Variants in CCDC125 observed in about 807,000 individuals in gnomAD.
CCDC125 encodes coiled-coil domain-containing protein 125.
Under a neutral mutation model 57.4 loss-of-function variants are expected in CCDC125, and 43 were observed. The observed-to-expected ratio is 0.75, with a 90% CI of 0.59 to 0.97. The LOEUF is 0.97. Ranked by LOEUF, CCDC125 falls within the 50% of genes least tolerant of loss-of-function variation. The probability of loss-of-function intolerance (pLI) is 0.00; values close to 1 mark genes in which losing one functional copy is unlikely to be tolerated. For missense variants in CCDC125, 563 were observed against 595.7 expected (o/e 0.95, Z 0.57); for synonymous variants, 187 against 195.2 (o/e 0.96, Z 0.35).
In CCDC125 at chr5:69,306,817, C is replaced by A; in HGVS notation, c.617G>T (p.Arg206Met). 6.8e-7 allele frequency: 1 copy of A among 1,479,940 alleles called. No individual in the cohort carries two copies. The highest frequency in any genetic ancestry group is 9.0e-7 in the Non-Finnish European group (1 of 1,117,194). The allele number at this position is 1,479,940 out of a possible 1,614,324, so 91.7% of individuals were successfully genotyped here. A position where few individuals can be genotyped will look rare whatever the true frequency, so the allele number is the denominator to read the frequency against. ...IEESWIQKYD[R>M]LNCENAVLKE... Reference sequence around the variant, plus strand: ...AAAAATAATGGAGTAATATACAAACCTGTCATATTTTTGGATCCAAGATTC... The same window carrying A: ...AAAAATAATGGAGTAATATACAAACATGTCATATTTTTGGATCCAAGATTC... Residue 206 changes from arginine (R) to methionine (M), a missense_variant and splice_region_variant, in exon 6 of 12, where the codon AGG (arginine) becomes ATG (methionine). Physicochemically the swap from Arg to Met is moderately conservative, Grantham distance 91. Coordinates refer to ENST00000396496, the MANE Select transcript of CCDC125 (RefSeq NM_176816.5).
chr5:69,299,365 TC>T (rs1389309412), intron 8 of CCDC125, among the ~76,000 whole-genome samples: 1 of 152,166 alleles, frequency 6.6e-6, no homozygotes, highest in Non-Finnish European at 1.5e-5. Context: ...CGCCTCGGCT[TC>T]CCAAAGCGCT....
chr5:69,290,960 T>C (rs939609354), intron 10 of CCDC125, among the ~76,000 whole-genome samples: 1 of 152,158 alleles, frequency 6.6e-6, no homozygotes, highest in Non-Finnish European at 1.5e-5. Flanking sequence ...TTTTCTATGA[T>C]GGTGTTCCCC....
the CCDC125 span, among the ~76,000 whole-genome samples, chr5:69,273,260 T>G: frequency 6.6e-6 from 1 of 152,100 alleles, no homozygotes; most frequent in Non-Finnish European, 1.5e-5. Context: ...GAGTTTACAC[T>G]TATTACACTT....
At chr5:69,299,870 C>G (rs1756085982) in intron 8 of CCDC125, 142 bp downstream of exon 8, 8 of 682,760 alleles carry the variant, frequency 1.2e-5, no homozygotes, top group Non-Finnish European at 2.1e-5. Context: ...GAAGAACCAA[C>G]CTGGGCCCAG....
At chr5:69,276,703 C>A (rs768902662), downstream of CCDC125, 11 of 1,604,374 alleles carry the variant, frequency 6.9e-6, no homozygotes, top group Non-Finnish European at 9.3e-6. Context: ...AAGATTCCCA[C>A]TTTTAAAAGA....
chr5:69,332,076 T>G (rs565024843), intron 1 of CCDC125, among the ~76,000 whole-genome samples: 16 of 152,366 alleles, frequency 1.1e-4, no homozygotes, highest in African/African-American at 3.4e-4. Context: ...CTGACAACTC[T>G]GCCTTAGCAA....
At chr5:69,311,264 A>G in intron 3 of CCDC125, 60 bp from the exon 4 acceptor site, 2 of 1,024,074 alleles carry the variant, frequency 2.0e-6, no homozygotes, top group Non-Finnish European at 3.0e-6. Context: ...TAAAATTATC[A>G]GTTTGGCTAG....
chr5:69,300,139 C>T lies in CCDC125; in HGVS notation c.701-12G>A. ...CCGTTGATTCAAAACTAGGAAGGGC[C>T]ATATGAGAAAGTATTCATTATGAAG... On this transcript the variant is annotated splice_polypyrimidine_tract_variant and intron_variant, in intron 7 of 11. Transcript: ENST00000396496. The T allele has an allele frequency of 6.3e-7, 1 of 1,588,054 alleles. No individual in the cohort carries two copies. The highest frequency in any genetic ancestry group is 1.3e-5 in the African/African-American group (1 of 74,508).
intron 10 of CCDC125, among the ~76,000 whole-genome samples, chr5:69,289,893 C>G (rs529717540): frequency 6.7e-6 from 1 of 149,816 alleles, no homozygotes; most frequent in South Asian, 2.1e-4. Context: ...TACTAAAACA[C>G]TGTCGGGAAT....
chr5:69,299,979 C>T (rs1420993826), intron 8 of CCDC125, 33 bp downstream of exon 8: 1 of 1,448,548 alleles, frequency 6.9e-7, no homozygotes, highest in Non-Finnish European at 9.7e-7. Context: ...AGCAAATGTC[C>T]CTTCTGTTCA....
At chr5:69,323,144 T>C (rs1448975594) in intron 1 of CCDC125, among the ~76,000 whole-genome samples, 1 of 151,502 alleles carries the variant, frequency 6.6e-6, no homozygotes, top group Non-Finnish European at 1.5e-5. Flanking sequence ...CCATCTCTAC[T>C]AAAAATACAA....
At chr5:69,276,513 CCTTA>C, downstream of CCDC125, 1 of 1,606,240 alleles carries the variant, frequency 6.2e-7, no homozygotes, top group Non-Finnish European at 8.5e-7. Context: ...TACTCACCTA[CCTTA>C]CTTTTGGTAT....
chr5:69,314,288 A>G (rs1232770043), intron 2 of CCDC125, among the ~76,000 whole-genome samples: 1 of 151,970 alleles, frequency 6.6e-6, no homozygotes, highest in Non-Finnish European at 1.5e-5. Flanking sequence ...AACATGGTAA[A>G]ACCCTGTCTC....
At chr5:69,299,712 C>T (rs1756050934) in intron 8 of CCDC125, among the ~76,000 whole-genome samples, 1 of 152,216 alleles carries the variant, frequency 6.6e-6, no homozygotes, top group Admixed American at 6.5e-5. Flanking sequence ...AGCACTCAAA[C>T]GGTAAGCCCC....
intron 10 of CCDC125, among the ~76,000 whole-genome samples, chr5:69,291,472 A>C (rs1022128885): frequency 1.3e-5 from 2 of 151,730 alleles, no homozygotes; most frequent in African/African-American, 4.9e-5. Flanking sequence ...CTTCTGCCTC[A>C]GCCTCCTGAG....
At chr5:69,307,243 G>A (rs185225582) in intron 5 of CCDC125, among the ~76,000 whole-genome samples, 1 of 151,892 alleles carries the variant, frequency 6.6e-6, no homozygotes, top group East Asian at 1.9e-4. Flanking sequence ...TAACTCAATG[G>A]TCCCATCAAG....
downstream of CCDC125, among the ~76,000 whole-genome samples, chr5:69,275,201 TGTATTATA>T (rs980770620): frequency 2.0e-5 from 3 of 151,826 alleles, no homozygotes; most frequent in East Asian, 5.8e-4. Flanking sequence ...AAAGAGAAAA[TGTATTATA>T]GAACATTGGC....
the CCDC125 span, chr5:69,273,172 A>G: frequency 1.6e-6 from 1 of 644,960 alleles, no homozygotes; most frequent in Non-Finnish European, 2.5e-6. Flanking sequence ...TTAAGAAATA[A>G]CAAACTTTGT....
At chr5:69,330,113 T>C (rs1173863440) in intron 1 of CCDC125, among the ~76,000 whole-genome samples, 1 of 152,198 alleles carries the variant, frequency 6.6e-6, no homozygotes, top group African/African-American at 2.4e-5. Flanking sequence ...CAGGTCCACC[T>C]GACTCCTGAA....
Sources: allele counts gnomAD v4.1 joint callset (sites outside exome capture counted in the v4.1 genomes callset), GRCh38; gene constraint gnomAD v4.1.1; transcripts MANE v1.5; gene names NCBI Gene and HGNC (gene_info 2026-07-23, HGNC 2026-07-21).